ZNF362: variants seen among roughly 807,000 people sequenced by gnomAD.
The protein encoded by ZNF362 is zinc finger protein 362.
ZNF362 carries 11 observed loss-of-function variants against 42.9 expected under a neutral mutation model. The observed-to-expected ratio is 0.26, with a 90% CI of 0.16 to 0.42. The LOEUF is 0.42. ZNF362 is among the 20% of genes least tolerant of loss of function. The pLI, the probability that ZNF362 is intolerant of heterozygous loss-of-function variation, is 1.00. For missense variants in ZNF362, 362 were observed against 576.2 expected, an observed-to-expected ratio of 0.63 and a Z score of 3.81; for synonymous variants, 255 against 257.3, an observed-to-expected ratio of 0.99 and a Z score of 0.09.
chr1:33,180,918 A>G, the ZNF362 span: 31 of 608,432 alleles, frequency 5.1e-5, no homozygotes, highest in African/African-American at 5.8e-4. Flanking sequence ...CCGCCCCAGG[A>G]CCATTCTGAC....
the ZNF362 span, among the ~76,000 whole-genome samples, chr1:33,240,178 C>A: frequency 4.9e-4 from 74 of 152,148 alleles, 5 homozygotes; most frequent in Non-Finnish European, 4.4e-5. Context: ...CAGGGGACTT[C>A]ATCAAGTGAT....
the ZNF362 span, among the ~76,000 whole-genome samples, chr1:33,199,003 GAC>G: frequency 6.6e-6 from 1 of 151,812 alleles, no homozygotes; most frequent in Non-Finnish European, 1.5e-5. Context: ...AAAGAAAAAA[GAC>G]AAAAACAAAT....
upstream of ZNF362, among the ~76,000 whole-genome samples, chr1:33,256,227 A>G (rs1462501054): frequency 1.2e-4 from 16 of 132,780 alleles, no homozygotes; most frequent in East Asian, 3.5e-3. Flanking sequence ...CCGGGGCCCG[A>G]GTGGGGGCCC....
chr1:33,218,957 A>T, the ZNF362 span, among the ~76,000 whole-genome samples: 1 of 149,676 alleles, frequency 6.7e-6, no homozygotes, highest in African/African-American at 2.4e-5. Flanking sequence ...ACACACACAC[A>T]CACACACACA....
the ZNF362 span, among the ~76,000 whole-genome samples, chr1:33,208,148 A>G: frequency 6.6e-5 from 10 of 152,222 alleles, no homozygotes; most frequent in Non-Finnish European, 1.2e-4. Flanking sequence ...AGCTTTCTAC[A>G]TATGGCTAGC....
the ZNF362 span, among the ~76,000 whole-genome samples, chr1:33,137,812 G>A: frequency 6.6e-6 from 1 of 151,764 alleles, no homozygotes; most frequent in Non-Finnish European, 1.5e-5. Context: ...AGCTGGCCAC[G>A]GTACAAGGGC....
chr1:33,145,916 G>C, the ZNF362 span: 57 of 471,006 alleles, frequency 1.2e-4, no homozygotes, highest in Non-Finnish European at 4.4e-6. Flanking sequence ...TCTGACTTAA[G>C]TTCCCCCAAA....
At chr1:33,232,553 GC>G in the ZNF362 span, among the ~76,000 whole-genome samples, 1 of 152,142 alleles carries the variant, frequency 6.6e-6, no homozygotes, top group African/African-American at 2.4e-5. Flanking sequence ...GAGCCACCGC[GC>G]CCGGCCAGAA....
chr1:33,231,309 T>C, the ZNF362 span, among the ~76,000 whole-genome samples: 7 of 152,274 alleles, frequency 4.6e-5, no homozygotes, highest in East Asian at 1.2e-3. Flanking sequence ...GGTTTGTTGA[T>C]TGCATGAGGT....
chr1:33,281,451 C>T lies in ZNF362; in HGVS notation c.684-136C>T. On this transcript the variant is annotated intron_variant, in intron 5 of 8. Transcript: ENST00000539719. This position sits in a 1 kb window ranked among gnomAD's most constrained non-coding sequence, Gnocchi z 4.8. ...CTGGGAGACTGTCCCCTGTCTTTCC[C>T]AGGTGGTCCTGTGCTTCTTGGGCTC... is the stretch of plus-strand genomic sequence containing the variant. 5.1e-6 allele frequency: 4 copies of T among 782,062 alleles called. No homozygotes were observed. In the East Asian group the frequency reaches 8.0e-5, roughly 16 times the overall value. 48.4% of individuals were successfully genotyped at this position (782,062 alleles called of 1,614,324 possible).
intron 1 of ZNF362, among the ~76,000 whole-genome samples, chr1:33,263,965 C>T (rs1024703383): frequency 1.3e-5 from 2 of 152,264 alleles, no homozygotes; most frequent in African/African-American, 4.8e-5. Flanking sequence ...ACTCCTTTCT[C>T]TGCCCAGCCC....
chr1:33,165,695 A>C, the ZNF362 span: 2 of 694,858 alleles, frequency 2.9e-6, no homozygotes, highest in East Asian at 6.3e-5. This position sits in a 1 kb window ranked among gnomAD's most constrained non-coding sequence, Gnocchi z 4.0. Flanking sequence ...GCCTCCCGTC[A>C]CAGTTCAACC....
rs1645980973 is a variant in ZNF362, at chr1:33,280,138, A to C, written c.364A>C (p.Thr122Pro). The C allele has an allele frequency of 6.3e-7, 1 of 1,578,930 alleles. No individual in the cohort carries two copies. Among genetic ancestry groups the C allele is most frequent in the African/African-American group, 1.3e-5 (1 of 74,376 alleles). ...TSTVTGLGLSTRTPSVSTSES... is the reference protein window; with the variant it reads ...TSTVTGLGLSPRTPSVSTSES... ...TGTCTTCGCAGGTCTGGGGCTGTCC[A>C]CCCGGACCCCGTCTGTGAGCACTTC... The change falls in exon 5 of 9, where the codon ACC becomes CCC. Residue 122 changes from threonine (T) to proline (P), a missense_variant. Coordinates refer to ENST00000539719, the MANE Select transcript of ZNF362 (RefSeq NM_152493.3). This position sits in a 1 kb window ranked among gnomAD's most constrained non-coding sequence, Gnocchi z 5.6.
At chr1:33,204,065 C>A in the ZNF362 span, among the ~76,000 whole-genome samples, 1 of 152,050 alleles carries the variant, frequency 6.6e-6, no homozygotes, top group Non-Finnish European at 1.5e-5. Flanking sequence ...AGTCAAGGAG[C>A]TTTTCCTCTG....
At chr1:33,234,308 T>C in the ZNF362 span, among the ~76,000 whole-genome samples, 2 of 152,166 alleles carry the variant, frequency 1.3e-5, no homozygotes, top group Non-Finnish European at 2.9e-5. Context: ...AAGATTGTTA[T>C]ATTCGCATGG....
At chr1:33,277,850 G>A (rs1645963186) in intron 4 of ZNF362, among the ~76,000 whole-genome samples, 1 of 152,154 alleles carries the variant, frequency 6.6e-6, no homozygotes, top group South Asian at 2.1e-4. Flanking sequence ...ATGTCAAGGG[G>A]CTGGAGCCAC....
At chr1:33,250,083 T>C in the ZNF362 span, among the ~76,000 whole-genome samples, 2 of 152,260 alleles carry the variant, frequency 1.3e-5, no homozygotes, top group African/African-American at 2.4e-5. Context: ...TTCATTCATT[T>C]ATTCTCTTGG....
intron 6 of ZNF362, among the ~76,000 whole-genome samples, chr1:33,288,863 G>A (rs750579115): frequency 1.3e-5 from 2 of 151,838 alleles, no homozygotes; most frequent in South Asian, 2.1e-4. Context: ...TACAGAGAGA[G>A]GATTCTGATG....
chr1:33,256,028 G>C (rs1393073350), upstream of ZNF362, among the ~76,000 whole-genome samples: 22 of 151,672 alleles, frequency 1.5e-4, no homozygotes, highest in Admixed American at 5.2e-4. Flanking sequence ...GGGAGCCCCC[G>C]CGCTGGGGAA....
Sources: gnomAD v4.1 joint callset for allele counts (sites outside exome capture counted in the v4.1 genomes callset) on GRCh38, gnomAD v4.1.1 for gene constraint, Gnocchi (gnomAD v3.1) non-coding constraint, MANE v1.5 for transcripts, NCBI Gene and HGNC (gene_info 2026-07-23, HGNC 2026-07-21) for gene names.